IFI44L: variants seen among roughly 807,000 people sequenced by gnomAD.
IFI44L encodes interferon-induced protein 44-like.
IFI44L carries 40 observed loss-of-function variants against 39.3 expected under a neutral mutation model. The observed-to-expected ratio is 1.02, with a 90% confidence interval of 0.79 to 1.33. The LOEUF is 1.33. Ranked by LOEUF, IFI44L falls within the 40% of genes most tolerant of loss-of-function variation. The pLI, the probability that IFI44L is intolerant of heterozygous loss-of-function variation, is 0.00. For synonymous variants in IFI44L, 198 were observed against 182.3 expected (o/e 1.09, Z -0.69); for missense variants, 623 against 549.0 (o/e 1.13, Z -1.35).
chr1:78,639,846 G>A (rs1041664922), intron 6 of IFI44L, among the ~76,000 whole-genome samples: 25 of 152,052 alleles, frequency 1.6e-4, no homozygotes, highest in African/African-American at 5.3e-4. Context: ...TTTAGGTTCC[G>A]AAAAGTGCTA....
At chr1:78,634,827 A>G (rs1478743593) in intron 4 of IFI44L, among the ~76,000 whole-genome samples, 1 of 151,882 alleles carries the variant, frequency 6.6e-6, no homozygotes, top group Non-Finnish European at 1.5e-5. Flanking sequence ...TGGAGTAAAA[A>G]TGTGGAGTGT....
At chr1:78,641,744 T>G in intron 8 of IFI44L, 31 bp from the exon 9 acceptor site, 1 of 1,613,258 alleles carries the variant, frequency 6.2e-7, no homozygotes, top group Non-Finnish European at 8.5e-7. Flanking sequence ...GATATATGTT[T>G]CATTTCCACT....
intron 4 of IFI44L, chr1:78,630,130 A>G: frequency 2.1e-6 from 1 of 482,722 alleles, no homozygotes; most frequent in Non-Finnish European, 3.7e-6. Context: ...TATATAAAGA[A>G]TACTTTTTAG....
intron 6 of IFI44L, among the ~76,000 whole-genome samples, chr1:78,638,762 T>G (rs533962453): frequency 6.6e-6 from 1 of 152,282 alleles, no homozygotes; most frequent in Admixed American, 6.5e-5. Flanking sequence ...TTATGATGGT[T>G]GCTTTAGAAT....
chr1:78,638,928 G>T (rs1450356274), intron 6 of IFI44L, among the ~76,000 whole-genome samples: 1 of 151,998 alleles, frequency 6.6e-6, no homozygotes, highest in Non-Finnish European at 1.5e-5. Flanking sequence ...TTATGACTCT[G>T]GATCTTACAT....
At chr1:78,635,614 T>C in intron 5 of IFI44L, 125 bp downstream of exon 5, 2 of 761,620 alleles carry the variant, frequency 2.6e-6, no homozygotes, top group Non-Finnish European at 4.3e-6. Flanking sequence ...AACACTATTC[T>C]ACTTTGAATG....
intron 2 of IFI44L, chr1:78,628,706 A>G: frequency 1.9e-6 from 1 of 523,382 alleles, no homozygotes; most frequent in Non-Finnish European, 3.4e-6. Context: ...TGACCCAAAG[A>G]TCAGACCCTT....
rs1339917067 is a variant in IFI44L at position 78,641,504 on chromosome 1, G to C, written c.1219G>C (p.Asp407His). The C allele has an allele frequency of 6.2e-7, 1 of 1,613,710 alleles. No homozygotes were observed. Among genetic ancestry groups the C allele is most frequent in the Admixed American group, 1.7e-5 (1 of 59,974 alleles). The change falls in exon 8 of 9, where the codon GAT (aspartate) becomes CAT (histidine). Residue 407 changes from aspartate to histidine, a missense_variant. Transcript: ENST00000370751. ...TTTGATGGTTGGAAATTATGCTTCA[G>C]ATTTGGAACTGGACCCCATGAAGGA... ...NILMVGNYAS[D>H]LELDPMKDIL...
intron 1 of IFI44L, among the ~76,000 whole-genome samples, chr1:78,623,688 G>A (rs889899577): frequency 3.3e-5 from 5 of 152,074 alleles, no homozygotes; most frequent in African/African-American, 1.2e-4. Context: ...GAGAACTGGT[G>A]GAGCCAGTGG....
In IFI44L at chr1:78,637,135, C is replaced by T; in HGVS notation, c.980C>T (p.Ser327Phe). The change falls in exon 6 of 9, where the codon TCT becomes TTT. Residue 327 changes from serine to phenylalanine, a missense_variant. Coordinates refer to ENST00000370751, the MANE Select transcript of IFI44L (RefSeq NM_006820.4). ...GTGGCTTATGTCTTAGACATCAACT[C>T]TATTGACAATCTCTACTCTAAAATG... ...HCVAYVLDINSIDNLYSKMLA... is the reference protein window; with the variant it reads ...HCVAYVLDINFIDNLYSKMLA... 6.2e-7 allele frequency: 1 copy of T among 1,608,760 alleles called. No individual in the cohort carries two copies. The highest frequency in any genetic ancestry group is 1.1e-5 in the South Asian group (1 of 90,080).
At position 78,635,506 on chromosome 1, in the gene IFI44L, A is replaced by G; in HGVS notation, c.876+17A>G. 1 of 1,599,512 alleles carries G rather than the reference A, an allele frequency of 6.3e-7. No homozygotes were observed. The highest frequency in any genetic ancestry group is 8.5e-7 in the Non-Finnish European group (1 of 1,174,278). On this transcript the variant is annotated intron_variant, in intron 5 of 8. Coordinates refer to ENST00000370751, the MANE Select transcript of IFI44L (RefSeq NM_006820.4). ...AGATATCAGGTAAGATTTCTTCAAT[A>G]TCCAAAACATTTCAAATCATTTTCT...
chr1:78,635,225 C>A, intron 4 of IFI44L, 112 bp from the exon 5 acceptor site: 1 of 815,596 alleles, frequency 1.2e-6, no homozygotes, highest in Non-Finnish European at 1.9e-6. Flanking sequence ...TGAGACCAAA[C>A]TGTTTGAGGA....
intron 4 of IFI44L, among the ~76,000 whole-genome samples, chr1:78,631,876 G>C (rs1652761749): frequency 6.6e-6 from 1 of 152,050 alleles, no homozygotes; most frequent in Admixed American, 6.6e-5. Context: ...TGAATCAAAC[G>C]GTGGCACCAA....
intron 4 of IFI44L, among the ~76,000 whole-genome samples, chr1:78,634,487 G>T (rs1158472691): frequency 6.6e-6 from 1 of 152,086 alleles, no homozygotes; most frequent in African/African-American, 2.4e-5. Context: ...ACCCAGTAAA[G>T]CTGTGCTTCA....
chr1:78,642,057 C>T lies in IFI44L; in HGVS notation c.*248C>T, dbSNP rs556981332. ...TCAGTTTCTGTGACATCTTTTTAAA[C>T]CACTGGAGGAAAAATGAGATATTCT... On this transcript the variant is annotated 3_prime_UTR_variant, in exon 9 of 9. Coordinates refer to ENST00000370751, the MANE Select transcript of IFI44L (RefSeq NM_006820.4). 1 of 572,738 alleles carries T rather than the reference C, an allele frequency of 1.7e-6. No homozygotes were observed. Among genetic ancestry groups the T allele is most frequent in the Admixed American group, 3.1e-5 (1 of 32,628 alleles). 35.5% of individuals were successfully genotyped at this position (572,738 alleles called of 1,614,324 possible). A position where few individuals can be genotyped will look rare whatever the true frequency, so the allele number is the denominator to read the frequency against.
chr1:78,640,155 T>G (rs1646965761), intron 6 of IFI44L, among the ~76,000 whole-genome samples: 1 of 152,118 alleles, frequency 6.6e-6, no homozygotes, highest in African/African-American at 2.4e-5. Flanking sequence ...TTTTCAAGGA[T>G]GTATGGCAAC....
Position 78,628,267 on chromosome 1 carries a change from A to G in IFI44L, c.352A>G (p.Lys118Glu). 1 of 1,610,658 alleles carries G rather than the reference A, an allele frequency of 6.2e-7. No homozygotes were observed. The highest frequency in any genetic ancestry group is 8.5e-7 in the Non-Finnish European group (1 of 1,177,766). Reference sequence around the variant, plus strand: ...TGAGCAACTGGTGTGTCGTTTATCGAAAACGGATATTTTCATTATATGTCG... The same window carrying G: ...TGAGCAACTGGTGTGTCGTTTATCGGAAACGGATATTTTCATTATATGTCG... ...IDEQLVCRLS[K>E]TDIFIICRDN... is the part of the protein sequence containing the mutation. The change falls in exon 2 of 9, where the codon AAA becomes GAA. Residue 118 changes from lysine to glutamate, a missense_variant. Lys to Glu is a moderately conservative substitution (Grantham distance 56). Coordinates refer to ENST00000370751, the MANE Select transcript of IFI44L (RefSeq NM_006820.4).
At chr1:78,625,138 G>C (rs1313281630) in intron 1 of IFI44L, among the ~76,000 whole-genome samples, 1 of 151,500 alleles carries the variant, frequency 6.6e-6, no homozygotes, top group African/African-American at 2.4e-5. Flanking sequence ...AAAGAGATTG[G>C]CCTGTAATTT....
chr1:78,633,952 G>A (rs1652846784), intron 4 of IFI44L, among the ~76,000 whole-genome samples: 1 of 151,950 alleles, frequency 6.6e-6, no homozygotes, highest in Non-Finnish European at 1.5e-5. Flanking sequence ...ATGAAATAGA[G>A]AGCATCAACA....
Sources: gnomAD v4.1 joint callset for allele counts (sites outside exome capture counted in the v4.1 genomes callset) on GRCh38, gnomAD v4.1.1 for gene constraint, MANE v1.5 for transcripts, NCBI Gene and HGNC (gene_info 2026-07-23, HGNC 2026-07-21) for gene names.